The following KASH5 variants were observed in gnomAD, a reference collection of about 807,000 sequenced individuals.
KASH5 encodes KASH domain containing 5.
A neutral mutation model predicts 84.2 loss-of-function variants in KASH5; 72 were observed. That is an observed-to-expected ratio of 0.85 (90% CI 0.71 to 1.04). The LOEUF (loss-of-function observed/expected upper bound fraction) is 1.04. KASH5 is among the 50% of genes least tolerant of loss of function. The pLI, the probability that KASH5 is intolerant of heterozygous loss-of-function variation, is 0.00. For synonymous variants in KASH5, 260 were observed against 279.1 expected, an observed-to-expected ratio of 0.93 and a Z score of 0.68; for missense variants, 650 against 701.0, an observed-to-expected ratio of 0.93 and a Z score of 0.82.
In KASH5 at chr19:49,407,622, A is replaced by C. The variant is rs1381765335; in HGVS notation, c.944A>C (p.Asp315Ala). The change falls in exon 12 of 20, where the codon GAT becomes GCT. Residue 315 changes from aspartate to alanine, a missense_variant. By Grantham distance (126) the Asp-to-Ala change is moderately radical (BLOSUM62 -2). Coordinates refer to ENST00000447857, the MANE Select transcript of KASH5 (RefSeq NM_144688.5). Reference protein sequence around the residue: ...RDTILSERTRDVESLAQTLEE... With the variant: ...RDTILSERTRAVESLAQTLEE... ...TTTCGGCTTTCCTAGCGCACTCGCG[A>C]TGTGGAGAGCCTGGCCCAGACCCTG... is the stretch of plus-strand genomic sequence containing the variant. 6.3e-7 allele frequency: 1 copy of C among 1,599,006 alleles called. No homozygotes were observed. Among genetic ancestry groups the C allele is most frequent in the Admixed American group, 1.7e-5 (1 of 58,114 alleles).
intron 3 of KASH5, 101 bp downstream of exon 3, chr19:49,394,681 C>A: frequency 3.5e-6 from 3 of 868,072 alleles, no homozygotes; most frequent in Non-Finnish European, 3.8e-6. Flanking sequence ...AAGGCCCCCT[C>A]TTGGGGGTAT....
At chr19:49,405,511 G>A (rs1974496374) in intron 9 of KASH5, among the ~76,000 whole-genome samples, 2 of 151,456 alleles carry the variant, frequency 1.3e-5, no homozygotes, top group Non-Finnish European at 2.9e-5. Flanking sequence ...AGTATGAGAT[G>A]ATACTGAGTT....
intron 2 of KASH5, among the ~76,000 whole-genome samples, 186 bp downstream of exon 2, chr19:49,391,112 C>A (rs1973990377): frequency 6.6e-6 from 1 of 152,146 alleles, no homozygotes; most frequent in African/African-American, 2.4e-5. Flanking sequence ...GCCCGCCCAC[C>A]TGTCACTACC....
chr19:49,399,263 C>G lies in KASH5; in HGVS notation c.747+121C>G. The G allele has an allele frequency of 1.0e-6, 1 of 970,310 alleles. No homozygotes were observed. The highest frequency in any genetic ancestry group is 1.5e-6 in the Non-Finnish European group (1 of 651,580). The allele number at this position is 970,310 out of a possible 1,614,324, so 60.1% of individuals were successfully genotyped here. ...GGTCACCTGGCTTTCTCCCTCTCTC[C>G]AGGCCCTGCTCACCCTAGACTTTTT... On this transcript the variant is annotated intron_variant, in intron 8 of 19. Coordinates refer to ENST00000447857, the MANE Select transcript of KASH5 (RefSeq NM_144688.5). The surrounding 1 kb of genome is among the most constrained non-coding windows in gnomAD (Gnocchi z 4.4).
chr19:49,391,123 C>G (rs1251718812), intron 2 of KASH5, among the ~76,000 whole-genome samples, 197 bp downstream of exon 2: 1 of 152,084 alleles, frequency 6.6e-6, no homozygotes, highest in East Asian at 1.9e-4. Context: ...TGTCACTACC[C>G]CTTATCTCCT....
At chr19:49,393,759 C>T (rs1974082456) in intron 2 of KASH5, 3 of 151,624 alleles carry the variant, frequency 2.0e-5, no homozygotes, top group Admixed American at 6.6e-5. Context: ...TAACTCAGCC[C>T]TGGTGAGGAG....
intron 9 of KASH5, among the ~76,000 whole-genome samples, chr19:49,403,187 T>C (rs1974417341): frequency 6.6e-6 from 1 of 152,070 alleles, no homozygotes; most frequent in East Asian, 1.9e-4. Context: ...GAAACCCCCG[T>C]CTCTACTAAA....
At position 49,400,225 on chromosome 19, in the gene KASH5, CA is replaced by C. The variant is rs34052696; in HGVS notation, c.798+740del. On this transcript the variant is annotated intron_variant, in intron 9 of 19. Coordinates refer to ENST00000447857, the MANE Select transcript of KASH5 (RefSeq NM_144688.5). ...CCTGGATGACAGAGCGAGAGCCTCTCAAAAAAAAAAAAAAAAAAAAAATTGG... is the reference window on the plus strand; with the variant it reads ...CCTGGATGACAGAGCGAGAGCCTCTCAAAAAAAAAAAAAAAAAAAAATTGG... Among the ~76,000 whole-genome samples the C allele has an allele frequency of 9.5e-3, 775 of 81,254 alleles. 5 individuals carry two copies. Among genetic ancestry groups the C allele is most frequent in the African/African-American group, 0.033 (652 of 20,038 alleles). The allele number at this position is 81,254 out of a possible 152,430, so 53.3% of individuals were successfully genotyped here.
At chr19:49,402,918 G>A (rs2122160411) in intron 9 of KASH5, among the ~76,000 whole-genome samples, 1 of 35,580 alleles carries the variant, frequency 2.8e-5, no homozygotes, top group East Asian at 7.9e-4. Flanking sequence ...GAAGAAGGTG[G>A]TCTCTGGGAA....
chr19:49,394,125 C>T (rs1424811134), intron 2 of KASH5, among the ~76,000 whole-genome samples: 1 of 152,176 alleles, frequency 6.6e-6, no homozygotes, highest in Non-Finnish European at 1.5e-5. Flanking sequence ...CCAGAATCCT[C>T]TCTTCTTTGC....
In KASH5 at chr19:49,408,694, C is replaced by T. The variant is rs139037089; in HGVS notation, c.994-273C>T. Among the ~76,000 whole-genome samples the T allele has an allele frequency of 9.7e-4, 147 of 152,296 alleles. 2 individuals are homozygous for T. Among genetic ancestry groups the T allele is most frequent in the African/African-American group, 3.2e-3 (135 of 41,566 alleles). ...CGATCTCCTGACCTTGTGATCTGCC[C>T]GCCTGGGCCTCCTGAAGTGCTGGGA... On this transcript the variant is annotated intron_variant, in intron 12 of 19. Coordinates refer to ENST00000447857, the MANE Select transcript of KASH5 (RefSeq NM_144688.5).
At chr19:49,403,389 G>A (rs371671222) in intron 9 of KASH5, among the ~76,000 whole-genome samples, 1 of 151,676 alleles carries the variant, frequency 6.6e-6, no homozygotes, top group Non-Finnish European at 1.5e-5. Flanking sequence ...AAAAAAAGGG[G>A]GGGGGCAGCC....
At chr19:49,398,964 T>C in intron 7 of KASH5, 61 bp from the exon 8 acceptor site, 1 of 1,280,136 alleles carries the variant, frequency 7.8e-7, no homozygotes, top group South Asian at 1.3e-5. Flanking sequence ...AATGGATCTG[T>C]CTCTGTGCTT....
chr19:49,410,685 G>A (rs956293851), intron 15 of KASH5, among the ~76,000 whole-genome samples: 6 of 151,904 alleles, frequency 3.9e-5, no homozygotes, highest in African/African-American at 9.7e-5. Flanking sequence ...ACGGGGTTTC[G>A]CCATGTTGGC....
Position 49,415,292 on chromosome 19 carries a change from G to A in KASH5, c.1374+296G>A, listed in dbSNP as rs976036033. 1.3e-4 allele frequency: 63 copies of A among 495,372 alleles called. No homozygotes were observed. In the East Asian group the frequency reaches 2.1e-3, roughly 17 times the overall value. 30.7% of individuals were successfully genotyped at this position (495,372 alleles called of 1,614,324 possible). ...GCCTCATAGACGTGGCTACACCCCCGGATTGCATAAATGCACACGCACATG... is the reference window on the plus strand; with the variant it reads ...GCCTCATAGACGTGGCTACACCCCCAGATTGCATAAATGCACACGCACATG... On this transcript the variant is annotated intron_variant, in intron 17 of 19. Coordinates refer to ENST00000447857, the MANE Select transcript of KASH5 (RefSeq NM_144688.5).
chr19:49,409,175 C>T (rs761392123), intron 13 of KASH5, 21 bp from the exon 14 acceptor site: 1 of 1,611,132 alleles, frequency 6.2e-7, no homozygotes, highest in African/African-American at 1.3e-5. Flanking sequence ...CCATCTTCCT[C>T]CCTCCTTCCT....
chr19:49,409,744 C>T lies in KASH5; in HGVS notation c.1147-9C>T, dbSNP rs2122203720. 6.2e-7 allele frequency: 1 copy of T among 1,613,846 alleles called. No individual in the cohort carries two copies. The highest frequency in any genetic ancestry group is 2.2e-5 in the East Asian group (1 of 44,882). On this transcript the variant is annotated splice_polypyrimidine_tract_variant and intron_variant, in intron 14 of 19. Coordinates refer to ENST00000447857, the MANE Select transcript of KASH5 (RefSeq NM_144688.5). ...CTCTCCCTGACCTCGGAAACAACTT[C>T]TGTCCCAGAAACAGGAAGTGGCAAC...
intron 9 of KASH5, among the ~76,000 whole-genome samples, chr19:49,405,620 T>C (rs116303631): frequency 0.022 from 3,398 of 152,140 alleles, 118 homozygotes; most frequent in African/African-American, 0.078. Flanking sequence ...ACAGGTGAAC[T>C]AATATGATGC....
In KASH5 at chr19:49,407,597, T is replaced by A; in HGVS notation, c.934-15T>A. The A allele has an allele frequency of 6.3e-7, 1 of 1,580,438 alleles. No individual in the cohort carries two copies. Among genetic ancestry groups the A allele is most frequent in the Non-Finnish European group, 8.6e-7 (1 of 1,163,684 alleles). ...GGAACTGGTCCCAGTCTCATTTGGC[T>A]TTCGGCTTTCCTAGCGCACTCGCGA... On this transcript the variant is annotated splice_polypyrimidine_tract_variant and intron_variant, in intron 11 of 19. Transcript: ENST00000447857.
Sources: gnomAD v4.1 joint callset for allele counts (sites outside exome capture counted in the v4.1 genomes callset) on GRCh38, gnomAD v4.1.1 for gene constraint, Gnocchi (gnomAD v3.1) non-coding constraint, MANE v1.5 for transcripts, NCBI Gene and HGNC (gene_info 2026-07-23, HGNC 2026-07-21) for gene names.